Variants in RASAL3 observed in about 807,000 individuals in gnomAD.
RASAL3 encodes RAS protein activator like-3.
A neutral mutation model predicts 105.5 loss-of-function variants in RASAL3; 74 were observed. That is an observed-to-expected ratio of 0.70 (90% CI 0.58 to 0.85). The LOEUF is 0.85. Ranked by LOEUF, RASAL3 falls within the 40% of genes least tolerant of loss-of-function variation. The pLI is 0.00. For missense variants in RASAL3, 1,352 were observed against 1,392.0 expected, an observed-to-expected ratio of 0.97 and a Z score of 0.46; for synonymous variants, 579 against 591.6, an observed-to-expected ratio of 0.98 and a Z score of 0.31.
Position 15,453,357 on chromosome 19 carries a change from G to A in RASAL3, c.2420C>T (p.Pro807Leu), listed in dbSNP as rs1970219266. 1 of 1,435,662 alleles carries A rather than the reference G, an allele frequency of 7.0e-7. No individual in the cohort carries two copies. Among genetic ancestry groups the A allele is most frequent in the Middle Eastern group, 2.3e-4 (1 of 4,296 alleles). The allele number at this position is 1,435,662 out of a possible 1,614,324, so 88.9% of individuals were successfully genotyped here. ...CTGCACCGGCCGGGGCCGCCGCAGGGGCCGCTCTTCGTCCGGCCGTGGCCG... is the reference window on the plus strand; with the variant it reads ...CTGCACCGGCCGGGGCCGCCGCAGGAGCCGCTCTTCGTCCGGCCGTGGCCG... ...WARPRPDEER[P>L]LRRPRPVQRT... Residue 807 changes from proline (P) to leucine (L), a missense_variant, in exon 15 of 18, where the codon CCC becomes CTC. By Grantham distance (98) the Pro-to-Leu change is moderately conservative. This residue lies in a region of RASAL3 where 920 missense variants were observed against 919.6 expected (regional missense o/e 1.00). Transcript: ENST00000343625. This position sits in a 1 kb window ranked among gnomAD's most constrained non-coding sequence, Gnocchi z 4.2.
At position 15,461,497 on chromosome 19, in the gene RASAL3, G is replaced by A. The variant is rs371847033; in HGVS notation, c.439C>T (p.Leu147=). The change falls in exon 3 of 18, where the codon CTG becomes TTG. Residue 147 remains leucine (L), a synonymous_variant. Transcript: ENST00000343625. ...TCCTCCTCTCCTCCAAGCAGCACCA[G>A]CTTCCCATCAAGCAGGGTGAAGCCC... is the stretch of plus-strand genomic sequence containing the variant. The part of the protein sequence containing the change: ...IGGFTLLDGK[L]VLLGGEEEGP... The A allele has an allele frequency of 2.2e-5, 34 of 1,547,050 alleles. No individual in the cohort carries two copies. The African/African-American group carries it at 4.0e-4, about 18-fold the overall frequency.
Position 15,451,660 on chromosome 19 carries a change from A to T in RASAL3, c.*135T>A. 1.1e-6 allele frequency: 1 copy of T among 903,576 alleles called. No individual in the cohort carries two copies. Among genetic ancestry groups the T allele is most frequent in the Non-Finnish European group, 1.6e-6 (1 of 611,024 alleles). The allele number at this position is 903,576 out of a possible 1,614,324, so 56.0% of individuals were successfully genotyped here. A position where few individuals can be genotyped will look rare whatever the true frequency, so the allele number is the denominator to read the frequency against. On this transcript the variant is annotated 3_prime_UTR_variant, in exon 18 of 18. Transcript: ENST00000343625. ...TCAAGATTTTACTGGGCAACTTCAT[A>T]CTGCCAGAGTGGTTGGGACCAGCAG... is the stretch of plus-strand genomic sequence containing the variant.
At position 15,451,714 on chromosome 19, in the gene RASAL3, G is replaced by T. The variant is rs1314181756; in HGVS notation, c.*81C>A. ...CACTCCCCACTGTAGGCCAAGTAGG[G>T]CTAAGGCAAAGTCAGACACCCCCCC... is the stretch of plus-strand genomic sequence containing the variant. On this transcript the variant is annotated 3_prime_UTR_variant, in exon 18 of 18. Coordinates refer to ENST00000343625, the MANE Select transcript of RASAL3 (RefSeq NM_022904.3). 6.7e-6 allele frequency: 10 copies of T among 1,494,994 alleles called. No homozygotes were observed. The highest frequency in any genetic ancestry group is 1.3e-5 in the South Asian group (1 of 78,542). 92.6% of individuals were successfully genotyped at this position (1,494,994 alleles called of 1,614,324 possible). A position where few individuals can be genotyped will look rare whatever the true frequency, so the allele number is the denominator to read the frequency against.
intron 17 of RASAL3, 51 bp downstream of exon 17, chr19:15,451,994 C>G: frequency 6.2e-7 from 1 of 1,613,852 alleles, no homozygotes; most frequent in Non-Finnish European, 8.5e-7. Flanking sequence ...CACCGCAACC[C>G]TTGCTCCTCC....
chr19:15,455,791 G>A (rs1195776719), intron 11 of RASAL3, among the ~76,000 whole-genome samples: 2 of 152,188 alleles, frequency 1.3e-5, no homozygotes, highest in African/African-American at 4.8e-5. Flanking sequence ...GGGAATACAG[G>A]TGTGTGCCAC....
In RASAL3 at chr19:15,452,790, G is replaced by A. The variant is rs192521892; in HGVS notation, c.2696C>T (p.Ala899Val). The change falls in exon 16 of 18, where the codon GCC (alanine) becomes GTC (valine). Residue 899 changes from alanine to valine, a missense_variant. Transcript: ENST00000343625. ...CACTTTCTGCTCCTCACGCAGAGCG[G>A]CCACCTCGCACTGCAGCTCTGCCAA... ...NKLAELQCEV[A>V]ALREEQKVLS... 1.9e-6 allele frequency: 3 copies of A among 1,562,274 alleles called. No homozygotes were observed. Among genetic ancestry groups the A allele is most frequent in the East Asian group, 4.8e-5 (2 of 41,982 alleles).
chr19:15,453,516 A>G lies in RASAL3; in HGVS notation c.2280-19T>C, dbSNP rs1599733262. On this transcript the variant is annotated intron_variant, in intron 14 of 17. Transcript: ENST00000343625. The surrounding 1 kb of genome is among the most constrained non-coding windows in gnomAD (Gnocchi z 4.2). ...GGAGAGGCTAGGGGTGGGATGGAGG[A>G]TCTTAGACCCTCCACTGGCCCCTGA... 1 of 1,497,456 alleles carries G rather than the reference A, an allele frequency of 6.7e-7. No homozygotes were observed. 92.8% of individuals were successfully genotyped at this position (1,497,456 alleles called of 1,614,324 possible).
At chr19:15,458,458 G>C in intron 7 of RASAL3, 32 bp from the exon 8 acceptor site, 1 of 1,613,318 alleles carries the variant, frequency 6.2e-7, no homozygotes, top group Non-Finnish European at 8.5e-7. Flanking sequence ...CGGTGTGATC[G>C]AGGCCAAGGG....
At position 15,456,140 on chromosome 19, in the gene RASAL3, C is replaced by A. The variant is rs747530731; in HGVS notation, c.1685G>T (p.Cys562Phe). 52 of 1,613,760 alleles carry A rather than the reference C, an allele frequency of 3.2e-5. No homozygotes were observed. The highest frequency in any genetic ancestry group is 1.6e-4 in the Middle Eastern group (1 of 6,078). Reference protein sequence around the residue: ...PEHQARLRNSCEEVFETIIHS... With the variant: ...PEHQARLRNSFEEVFETIIHS... ...GATAATGGTTTCGAAGACCTCCTCG[C>A]AGCTGTTCCGAAGTCTGGCCTGGTG... The change falls in exon 11 of 18, where the codon TGC becomes TTC. Residue 562 changes from cysteine (C) to phenylalanine (F), a missense_variant. This residue lies in a region of RASAL3 where 920 missense variants were observed against 919.6 expected (regional missense o/e 1.00). Transcript: ENST00000343625. This position sits in a 1 kb window ranked among gnomAD's most constrained non-coding sequence, Gnocchi z 4.4.
Position 15,457,295 on chromosome 19 carries a change from C to T in RASAL3, c.1428G>A (p.Ala476=). The T allele has an allele frequency of 1.5e-6, 2 of 1,295,876 alleles. No homozygotes were observed. Among genetic ancestry groups the T allele is most frequent in the Non-Finnish European group, 2.0e-6 (2 of 1,022,932 alleles). The allele number at this position is 1,295,876 out of a possible 1,614,324, so 80.3% of individuals were successfully genotyped here. The change falls in exon 9 of 18, where the codon GCG becomes GCA. Residue 476 remains alanine, a synonymous_variant. Coordinates refer to ENST00000343625, the MANE Select transcript of RASAL3 (RefSeq NM_022904.3). This position sits in a 1 kb window ranked among gnomAD's most constrained non-coding sequence, Gnocchi z 8.6. ...CCGCGCTGTCGCGGTGCCGCACCTG[C>T]GCCCGGCCGGTGGCCCGCAGCACGC... ...MVRVLRATGR[A]QALVTDLGTA...
At position 15,463,950 on chromosome 19, in the gene RASAL3, G is replaced by T. The variant is rs1373371593; in HGVS notation, c.328+81C>A. ...TCCCCACAACTTCCTGTGTCTGTAT[G>T]GTTGATGCTCCGGAGGCAGACAAAA... On this transcript the variant is annotated intron_variant, in intron 2 of 17. Transcript: ENST00000343625. 1.2e-5 allele frequency: 15 copies of T among 1,304,128 alleles called. No individual in the cohort carries two copies. In the Admixed American group the frequency reaches 1.6e-4, roughly 14 times the overall value. The allele number at this position is 1,304,128 out of a possible 1,614,324, so 80.8% of individuals were successfully genotyped here. A position where few individuals can be genotyped will look rare whatever the true frequency, so the allele number is the denominator to read the frequency against.
Position 15,454,202 on chromosome 19 carries a change from C to T in RASAL3, c.2226G>A (p.Val742=), listed in dbSNP as rs781260296. 17 of 1,570,734 alleles carry T rather than the reference C, an allele frequency of 1.1e-5. No individual in the cohort carries two copies. The highest frequency in any genetic ancestry group is 1.4e-5 in the Non-Finnish European group (16 of 1,157,732). The change falls in exon 14 of 18, where the codon GTG becomes GTA. Residue 742 remains valine (V), a synonymous_variant. Coordinates refer to ENST00000343625, the MANE Select transcript of RASAL3 (RefSeq NM_022904.3). ...GGAGACGCATTGGCACTGACACAAG[C>T]ACAGGCTGGCCCTCCTCAATGGCTC... is the stretch of plus-strand genomic sequence containing the variant. The part of the protein sequence containing the change: ...ILRAIEEGQP[V]LVSVPMRLPL...
In RASAL3 at chr19:15,458,774, G is replaced by A. The variant is rs185349463; in HGVS notation, c.663-119C>T. 1,288 of 1,263,852 alleles carry A rather than the reference G, an allele frequency of 1.0e-3. 7 individuals are homozygous for A. The Middle Eastern group carries it at 0.012, about 12-fold the overall frequency. 78.3% of individuals were successfully genotyped at this position (1,263,852 alleles called of 1,614,324 possible). On this transcript the variant is annotated intron_variant, in intron 6 of 17. Coordinates refer to ENST00000343625, the MANE Select transcript of RASAL3 (RefSeq NM_022904.3). ...CCAATTCGGATCCCGTTTCTCCCCC[G>A]TGCCCCCCCCACCCCCCGCCATGGC...
rs751438102 is a variant in RASAL3 at position 15,464,146 on chromosome 19, T to G, written c.213A>C (p.Leu71=). 3 of 1,613,288 alleles carry G rather than the reference T, an allele frequency of 1.9e-6. No homozygotes were observed. The highest frequency in any genetic ancestry group is 2.7e-5 in the African/African-American group (2 of 74,820). The change falls in exon 2 of 18, where the codon CTA becomes CTC. Residue 71 remains leucine, a synonymous_variant. Coordinates refer to ENST00000343625, the MANE Select transcript of RASAL3 (RefSeq NM_022904.3). ...TCCGTGACTCCTTGGGAGGCGCAGA[T>G]AGGACCCGACGGAATATCGAGCGAG... is the stretch of plus-strand genomic sequence containing the variant. ...PAPRSIFRRV[L]SAPPKESRTS...
At chr19:15,463,916 C>G in intron 2 of RASAL3, 115 bp downstream of exon 2, 1 of 1,004,618 alleles carries the variant, frequency 1.0e-6, no homozygotes, top group African/African-American at 1.6e-5. Context: ...TCCTGCTGGG[C>G]TTTTGCACTC....
chr19:15,461,093 C>T lies in RASAL3; in HGVS notation c.573G>A (p.Glu191=), dbSNP rs1970492817. 1 of 1,613,934 alleles carries T rather than the reference C, an allele frequency of 6.2e-7. No homozygotes were observed. The highest frequency in any genetic ancestry group is 8.5e-7 in the Non-Finnish European group (1 of 1,179,878). ...PDRMPGKTEP[E]TAGPNQVHNV... ...TGTGGACCTGGTTGGGACCAGCAGT[C>T]TCCGGTTCTGTTTTTCCAGGCATCC... Residue 191 remains glutamate (E), a synonymous_variant, in exon 5 of 18, where the codon GAG becomes GAA. Transcript: ENST00000343625.
Position 15,453,433 on chromosome 19 carries a change from T to G in RASAL3, c.2344A>C (p.Ile782Leu). 1 of 1,538,044 alleles carries G rather than the reference T, an allele frequency of 6.5e-7. No individual in the cohort carries two copies. Among genetic ancestry groups the G allele is most frequent in the Non-Finnish European group, 8.7e-7 (1 of 1,154,106 alleles). Residue 782 changes from isoleucine (I) to leucine (L), a missense_variant, in exon 15 of 18, where the codon ATC (isoleucine) becomes CTC (leucine). Around this residue, in one of 3 missense-constraint regions of RASAL3, gnomAD observed 920 missense variants for 919.6 expected, o/e 1.00. Coordinates refer to ENST00000343625, the MANE Select transcript of RASAL3 (RefSeq NM_022904.3). The surrounding 1 kb of genome is among the most constrained non-coding windows in gnomAD (Gnocchi z 4.2). ...CTGCGCAGAGACTGGCTCTTGGAGA[T>G]GAGAGGGGTGTGCTTGGGGAGGTCC... ...PRDLPKHTPL[I>L]SKSQSLRSVR...
In RASAL3 at chr19:15,456,392, C is replaced by T. The variant is rs1970320774; in HGVS notation, c.1576+110G>A. 6.5e-6 allele frequency: 10 copies of T among 1,529,346 alleles called. No homozygotes were observed. The highest frequency in any genetic ancestry group is 1.4e-5 in the African/African-American group (1 of 72,942). The allele number at this position is 1,529,346 out of a possible 1,614,324, so 94.7% of individuals were successfully genotyped here. On this transcript the variant is annotated intron_variant, in intron 10 of 17. Coordinates refer to ENST00000343625, the MANE Select transcript of RASAL3 (RefSeq NM_022904.3). The surrounding 1 kb of genome is among the most constrained non-coding windows in gnomAD (Gnocchi z 4.4). ...AATTGTCCCCAGGATCCTAGCACCC[C>T]CAAAACACCACTCACTACCAGAATC...
chr19:15,452,276 G>T lies in RASAL3; in HGVS notation c.2829-168C>A, dbSNP rs1030409911. On this transcript the variant is annotated intron_variant, in intron 16 of 17. Transcript: ENST00000343625. ...CTTGAAGAAGGGTCGGACCAGAGAC[G>T]GGAATGGTTGGAATGACAGGACCTA... 64 of 670,886 alleles carry T rather than the reference G, an allele frequency of 9.5e-5. No individual in the cohort carries two copies. The African/African-American group carries it at 1.1e-3, about 11-fold the overall frequency. The allele number at this position is 670,886 out of a possible 1,614,324, so 41.6% of individuals were successfully genotyped here. A position where few individuals can be genotyped will look rare whatever the true frequency, so the allele number is the denominator to read the frequency against.
Sources: gnomAD v4.1 joint callset for allele counts (sites outside exome capture counted in the v4.1 genomes callset) on GRCh38, gnomAD v4.1.1 for gene constraint, gnomAD v4.1.1 regional missense constraint, Gnocchi (gnomAD v3.1) non-coding constraint, MANE v1.5 for transcripts, NCBI Gene and HGNC (gene_info 2026-07-23, HGNC 2026-07-21) for gene names.